Variants in TBC1D14 observed in about 807,000 individuals in gnomAD.
TBC1D14 encodes TBC1 domain family member 14.
In TBC1D14, 26 loss-of-function variants were observed where a neutral mutation model predicts 79.0. The ratio of observed to expected loss-of-function variants is 0.33; its 90% CI spans 0.24 to 0.46. The LOEUF is 0.46. Among genes scored for constraint, TBC1D14 ranks in the 20% least tolerant of loss-of-function variants. The pLI is 1.00. For synonymous variants in TBC1D14, 394 were observed against 349.9 expected, an observed-to-expected ratio of 1.13 and a Z score of -1.40; for missense variants, 769 against 887.6, an observed-to-expected ratio of 0.87 and a Z score of 1.70.
chr4:7,006,585 C>T (rs1720219282), intron 8 of TBC1D14, 47 bp from the exon 9 acceptor site: 6 of 1,546,824 alleles, frequency 3.9e-6, no homozygotes, highest in Middle Eastern at 1.7e-4. Flanking sequence ...AATTGTCCTA[C>T]ATTCGTGCCC....
intron 2 of TBC1D14, among the ~76,000 whole-genome samples, chr4:6,944,705 T>C (rs976311390): frequency 1.3e-5 from 2 of 152,198 alleles, no homozygotes; most frequent in Non-Finnish European, 2.9e-5. Flanking sequence ...CCCCGGGTCC[T>C]CTGGTTTACA....
chr4:6,919,832 G>C (rs1248945374), intron 1 of TBC1D14, among the ~76,000 whole-genome samples: 1 of 152,104 alleles, frequency 6.6e-6, no homozygotes, highest in East Asian at 1.9e-4. Flanking sequence ...TGTTGGTCAG[G>C]CTGGTCTCAA....
chr4:6,987,388 C>T, intron 3 of TBC1D14: 6 of 1,396,240 alleles, frequency 4.3e-6, no homozygotes, highest in Non-Finnish European at 4.7e-6. Flanking sequence ...CCCTGCGCCC[C>T]AGGCCTGCCC....
chr4:6,992,618 A>C (rs1718619959), intron 3 of TBC1D14, among the ~76,000 whole-genome samples: 1 of 152,224 alleles, frequency 6.6e-6, no homozygotes, highest in Non-Finnish European at 1.5e-5. Context: ...GTAGCACCTC[A>C]TGGGGTATGT....
At chr4:6,950,589 A>T (rs972347818) in intron 2 of TBC1D14, among the ~76,000 whole-genome samples, 3 of 152,054 alleles carry the variant, frequency 2.0e-5, no homozygotes. Flanking sequence ...CCTTTATTAG[A>T]TAAGGAAGTC....
intron 11 of TBC1D14, 88 bp downstream of exon 11, chr4:7,010,869 G>C (rs1172147634): frequency 4.1e-6 from 6 of 1,455,576 alleles, no homozygotes; most frequent in Non-Finnish European, 5.6e-6. Flanking sequence ...TGGAAAAAAA[G>C]AATACATTTT....
chr4:7,029,405 G>C (rs1253488819), intron 13 of TBC1D14, among the ~76,000 whole-genome samples: 1 of 152,244 alleles, frequency 6.6e-6, no homozygotes, highest in Non-Finnish European at 1.5e-5. Context: ...CCTCATGTTG[G>C]GGCATTAGCC....
At chr4:6,966,521 A>C (rs2109046305) in intron 2 of TBC1D14, among the ~76,000 whole-genome samples, 1 of 152,374 alleles carries the variant, frequency 6.6e-6, no homozygotes, top group Middle Eastern at 3.4e-3. Context: ...GCTAGGGGTT[A>C]CGTACTAAAG....
At chr4:6,980,427 A>ATTT (rs1717258457) in intron 3 of TBC1D14, among the ~76,000 whole-genome samples, 1 of 152,210 alleles carries the variant, frequency 6.6e-6, no homozygotes, top group African/African-American at 2.4e-5. Context: ...CACATAGAAA[A>ATTT]GAAAAAAGGT....
intron 7 of TBC1D14, among the ~76,000 whole-genome samples, chr4:7,002,800 CACAA>C (rs1242403513): frequency 1.1e-4 from 17 of 152,200 alleles, no homozygotes; most frequent in Admixed American, 1.1e-3. Flanking sequence ...AGTGTAAGAA[CACAA>C]ACAAACTTGG....
rs190940479 is a variant in TBC1D14 at position 6,994,276 on chromosome 4, C to T, written c.936C>T (p.Thr312=). The T allele has an allele frequency of 4.5e-5, 72 of 1,614,122 alleles. No homozygotes were observed. The African/African-American group carries it at 7.5e-4, about 17-fold the overall frequency. The part of the protein sequence containing the change: ...KNLDFEPLST[T]ALILEDRPAN... ...TTGACTTTGAACCACTTTCCACCAC[C>T]GCACTCATCCTCGAGGACAGACCAG... Residue 312 remains threonine, a synonymous_variant, in exon 4 of 14, where the codon ACC becomes ACT. Transcript: ENST00000409757.
At chr4:6,913,373 G>A (rs576243769) in intron 1 of TBC1D14, among the ~76,000 whole-genome samples, 1 of 152,328 alleles carries the variant, frequency 6.6e-6, no homozygotes, top group Non-Finnish European at 1.5e-5. Context: ...TCAGCTTATC[G>A]ATGATCAGGG....
chr4:6,955,572 C>A (rs952681171), intron 2 of TBC1D14, among the ~76,000 whole-genome samples: 4 of 152,190 alleles, frequency 2.6e-5, no homozygotes, highest in Non-Finnish European at 5.9e-5. Flanking sequence ...TGCTGCATTG[C>A]TCAGCTGGCT....
chr4:6,952,919 C>T (rs1371690715), intron 2 of TBC1D14, among the ~76,000 whole-genome samples: 2 of 152,022 alleles, frequency 1.3e-5, no homozygotes, highest in African/African-American at 4.8e-5. Context: ...GTGATCTTGG[C>T]TCACTGCAAT....
At chr4:6,916,261 G>T (rs1298235324) in intron 1 of TBC1D14, among the ~76,000 whole-genome samples, 8 of 152,166 alleles carry the variant, frequency 5.3e-5, no homozygotes, top group African/African-American at 1.9e-4. Context: ...TGCCATTGGG[G>T]TTTGAAGAGG....
chr4:7,014,584 CA>C (rs747079259), intron 12 of TBC1D14, 27 bp downstream of exon 12: 44 of 1,482,980 alleles, frequency 3.0e-5, no homozygotes, highest in Non-Finnish European at 4.1e-5. Context: ...CCTGTGTTTT[CA>C]GAGCATTTCT....
At chr4:6,950,424 T>C (rs927030954) in intron 2 of TBC1D14, among the ~76,000 whole-genome samples, 1 of 152,238 alleles carries the variant, frequency 6.6e-6, no homozygotes, top group Non-Finnish European at 1.5e-5. Flanking sequence ...TCTTATTGTA[T>C]GGCCAGGCTC....
intron 2 of TBC1D14, among the ~76,000 whole-genome samples, chr4:6,948,920 G>T (rs984093492): frequency 6.6e-6 from 1 of 151,922 alleles, no homozygotes; most frequent in Admixed American, 6.5e-5. Context: ...TCTCCTGGCC[G>T]GGCGTGGTGG....
chr4:6,972,134 GT>G (rs1385499881), intron 3 of TBC1D14, among the ~76,000 whole-genome samples: 1 of 152,154 alleles, frequency 6.6e-6, no homozygotes, highest in Non-Finnish European at 1.5e-5. Flanking sequence ...TGGCCCTTTT[GT>G]TTGTTTCACA....
Sources: allele counts gnomAD v4.1 joint callset (sites outside exome capture counted in the v4.1 genomes callset), GRCh38; gene constraint gnomAD v4.1.1; transcripts MANE v1.5; gene names NCBI Gene and HGNC (gene_info 2026-07-23, HGNC 2026-07-21).